COL4A1: variants seen among roughly 807,000 people sequenced by gnomAD.
COL4A1 encodes collagen type IV alpha 1 chain, also known as collagen alpha-1(IV) chain.
A neutral mutation model predicts 216.6 loss-of-function variants in COL4A1; 40 were observed. That is an observed-to-expected ratio of 0.18 (90% confidence interval 0.14 to 0.24). The LOEUF (loss-of-function observed/expected upper bound fraction) is 0.24, where lower values mean the gene tolerates loss of function less well. Among genes scored for constraint, COL4A1 ranks in the 10% least tolerant of loss-of-function variants. COL4A1 has a pLI of 1.00. For missense variants in COL4A1, 1,628 were observed against 2,196.8 expected, an observed-to-expected ratio of 0.74 and a Z score of 5.18; for synonymous variants, 839 against 810.7, an observed-to-expected ratio of 1.03 and a Z score of -0.59.
At chr13:110,174,414 GC>G in intron 39 of COL4A1, 31 bp downstream of exon 39, 1 of 1,611,102 alleles carries the variant, frequency 6.2e-7, no homozygotes, top group Non-Finnish European at 8.5e-7. Context: ...TTCTCTATGT[GC>G]CCGGGCTGTG....
In COL4A1 at chr13:110,178,133, T is replaced by C. The variant is rs745745728; in HGVS notation, c.2557A>G (p.Ile853Val). 3.0e-5 allele frequency: 49 copies of C among 1,614,068 alleles called. No individual in the cohort carries two copies. Among genetic ancestry groups the C allele is most frequent in the Non-Finnish European group, 3.9e-5 (46 of 1,180,040 alleles). Residue 853 changes from isoleucine to valine, a missense_variant, in exon 32 of 52, where the codon ATA becomes GTA. Physicochemically the swap from Ile to Val is conservative, Grantham distance 29. This residue lies in a region of COL4A1 where 701 missense variants were observed against 892.5 expected (regional missense o/e 0.79). Transcript: ENST00000375820. The part of the protein sequence containing the change: ...GDKGAQGLPG[I>V]TGQSGLPGLP... ...CCAGGGAGCCCCGACTGTCCCGTTA[T>C]GCCAGGGAGTCCTTGAGCCCCTTTA...
chr13:110,302,361 T>C (rs1884529286), intron 1 of COL4A1, among the ~76,000 whole-genome samples: 1 of 152,110 alleles, frequency 6.6e-6, no homozygotes, highest in South Asian at 2.1e-4. Flanking sequence ...CGCGTGGAAA[T>C]GTGAAGACGT....
chr13:110,229,919 G>T (rs552335201), intron 2 of COL4A1, among the ~76,000 whole-genome samples: 1 of 152,152 alleles, frequency 6.6e-6, no homozygotes, highest in Non-Finnish European at 1.5e-5. Context: ...CCCTCTTGTG[G>T]GTGACTTCTG....
intron 2 of COL4A1, among the ~76,000 whole-genome samples, chr13:110,231,012 T>C (rs1350987316): frequency 1.3e-5 from 2 of 152,164 alleles, no homozygotes; most frequent in Non-Finnish European, 2.9e-5. Context: ...CCCGTCAGGA[T>C]GATTAATGAC....
intron 49 of COL4A1, among the ~76,000 whole-genome samples, chr13:110,155,804 C>T (rs1033595870): frequency 3.3e-5 from 5 of 152,066 alleles, no homozygotes; most frequent in East Asian, 1.9e-4. Flanking sequence ...CCCAGCTACT[C>T]GGGAGGCTGA....
intron 1 of COL4A1, among the ~76,000 whole-genome samples, chr13:110,254,939 T>C (rs1316271043): frequency 6.6e-6 from 1 of 152,208 alleles, no homozygotes; most frequent in Non-Finnish European, 1.5e-5. Flanking sequence ...GTACTTGCAA[T>C]CTGGAGGGTG....
intron 48 of COL4A1, 31 bp downstream of exon 48, chr13:110,162,199 G>A (rs761297535): frequency 2.5e-6 from 4 of 1,590,756 alleles, no homozygotes; most frequent in Non-Finnish European, 3.4e-6. Flanking sequence ...CACCTACACT[G>A]AATGAATGCA....
chr13:110,161,502 G>T, intron 48 of COL4A1, 133 bp from the exon 49 acceptor site: 2 of 1,083,572 alleles, frequency 1.8e-6, no homozygotes, highest in South Asian at 1.4e-5. Flanking sequence ...AATGTATAAA[G>T]GATTATGTAG....
chr13:110,224,566 G>A (rs572432082), intron 2 of COL4A1, among the ~76,000 whole-genome samples: 141 of 152,242 alleles, frequency 9.3e-4, no homozygotes, highest in African/African-American at 3.2e-3. Context: ...CAGGTAATCC[G>A]CCAGCCTCGG....
At position 110,296,067 on chromosome 13, in the gene COL4A1, A is replaced by G. The variant is rs750897329; in HGVS notation, c.84+10877T>C. Among the ~76,000 whole-genome samples, 44 of 152,202 alleles carry G rather than the reference A, an allele frequency of 2.9e-4. 1 individual carries two copies. The highest frequency in any genetic ancestry group is 2.2e-4 in the Non-Finnish European group (15 of 68,034). Reference sequence around the variant, plus strand: ...TTCTCAAAAGTGATTCCCATTTTGCACTCTGCCCTATTAAACTAGGACCTT... The same window carrying G: ...TTCTCAAAAGTGATTCCCATTTTGCGCTCTGCCCTATTAAACTAGGACCTT... On this transcript the variant is annotated intron_variant, in intron 1 of 51. Coordinates refer to ENST00000375820, the MANE Select transcript of COL4A1 (RefSeq NM_001845.6).
intron 18 of COL4A1, 63 bp downstream of exon 18, chr13:110,203,502 AC>A: frequency 6.3e-7 from 1 of 1,585,160 alleles, no homozygotes; most frequent in Admixed American, 1.7e-5. Context: ...GCTCTCACAG[AC>A]CCAGGGTCCT....
intron 2 of COL4A1, among the ~76,000 whole-genome samples, chr13:110,237,387 C>A (rs1338035876): frequency 6.6e-6 from 1 of 152,138 alleles, no homozygotes; most frequent in African/African-American, 2.4e-5. Context: ...CTGCACCCCC[C>A]ACCCCCCGCC....
At chr13:110,198,668 G>T (rs752092094) in intron 20 of COL4A1, 37 bp from the exon 21 acceptor site, 1 of 1,612,918 alleles carries the variant, frequency 6.2e-7, no homozygotes, top group Non-Finnish European at 8.5e-7. Flanking sequence ...GTAACCTCAG[G>T]GCCACTTAGC....
intron 47 of COL4A1, 26 bp from the exon 48 acceptor site, chr13:110,162,468 T>C (rs1421121496): frequency 6.5e-7 from 1 of 1,541,790 alleles, no homozygotes; most frequent in Non-Finnish European, 9.0e-7. Context: ...CAAATTAGTT[T>C]CCCTAATTAC....
intron 1 of COL4A1, among the ~76,000 whole-genome samples, chr13:110,286,644 G>T (rs901711232): frequency 6.6e-6 from 1 of 152,192 alleles, no homozygotes; most frequent in African/African-American, 2.4e-5. Context: ...GGGTTACTTC[G>T]TGGGGCACTG....
At chr13:110,155,446 G>T (rs752187609) in intron 49 of COL4A1, 49 bp from the exon 50 acceptor site, 30 of 1,341,420 alleles carry the variant, frequency 2.2e-5, no homozygotes, top group Middle Eastern at 2.0e-4. Context: ...CAGGGCAGAG[G>T]CCGCCCTCCA....
At chr13:110,217,759 G>C (rs545136186) in intron 2 of COL4A1, among the ~76,000 whole-genome samples, 1 of 152,258 alleles carries the variant, frequency 6.6e-6, no homozygotes, top group Admixed American at 6.5e-5. Context: ...TGTGGAGGGA[G>C]AACAAAGTGC....
At chr13:110,208,364 C>A (rs554751961) in intron 12 of COL4A1, among the ~76,000 whole-genome samples, 1 of 152,098 alleles carries the variant, frequency 6.6e-6, no homozygotes, top group Non-Finnish European at 1.5e-5. Context: ...CACTGCCAAC[C>A]GTGCTAGTCC....
At chr13:110,173,804 T>C in intron 40 of COL4A1, 96 bp downstream of exon 40, 1 of 1,424,250 alleles carries the variant, frequency 7.0e-7, no homozygotes, top group South Asian at 1.2e-5. Flanking sequence ...TAGGGGCCAT[T>C]CTGTGCCCAG....
Sources: allele counts gnomAD v4.1 joint callset (sites outside exome capture counted in the v4.1 genomes callset), GRCh38; gene constraint gnomAD v4.1.1; regional missense constraint gnomAD v4.1.1; transcripts MANE v1.5; gene names NCBI Gene and HGNC (gene_info 2026-07-23, HGNC 2026-07-21).